TMEM243: variants seen among roughly 807,000 people sequenced by gnomAD.
TMEM243 encodes MDR1 and mitochondrial taxol resistance associated.
TMEM243 carries 20 observed loss-of-function variants against 15.0 expected under a neutral mutation model. That is an observed-to-expected ratio of 1.33 (90% CI 0.94 to 1.93). The LOEUF (loss-of-function observed/expected upper bound fraction) is 1.93. Among genes scored for constraint, TMEM243 ranks in the 30% most tolerant of loss-of-function variants. The pLI is 0.00. For synonymous variants in TMEM243, 72 were observed against 52.7 expected, an observed-to-expected ratio of 1.37 and a Z score of -1.59; for missense variants, 156 against 142.1, an observed-to-expected ratio of 1.10 and a Z score of -0.50.
chr7:87,206,887 C>G (rs1802263943), intron 1 of TMEM243, among the ~76,000 whole-genome samples: 3 of 152,198 alleles, frequency 2.0e-5, no homozygotes, highest in African/African-American at 7.2e-5. Flanking sequence ...TTTAGAATGC[C>G]TCTCACCAGT....
At position 87,208,016 on chromosome 7, in the gene TMEM243, G is replaced by A. The variant is rs139360625; in HGVS notation, c.79-8959C>T. 3.9e-3 allele frequency among the ~76,000 whole-genome samples: 592 copies of A among 152,060 alleles called. 6 individuals are homozygous for A. The highest frequency in any genetic ancestry group is 0.014 in the African/African-American group (564 of 41,452). ...CCCCATGATTCAATCATCTCCCACC[G>A]GGTCCCTCCCACAACACATGGGAAT... On this transcript the variant is annotated intron_variant, in intron 1 of 3. Coordinates refer to ENST00000257637, the MANE Select transcript of TMEM243 (RefSeq NM_024315.4).
chr7:87,205,132 A>G (rs1025829811), intron 1 of TMEM243, among the ~76,000 whole-genome samples: 2 of 152,174 alleles, frequency 1.3e-5, no homozygotes, highest in Admixed American at 1.3e-4. Context: ...ACAGAGCACC[A>G]AGTCCCTAAG....
At chr7:87,197,664 T>C in intron 3 of TMEM243, 1 of 1,234,676 alleles carries the variant, frequency 8.1e-7, no homozygotes, top group Non-Finnish European at 1.1e-6. Context: ...ATTAAAATCT[T>C]TGGCCACCTA....
chr7:87,197,652 A>AAATT, intron 3 of TMEM243: 1 of 1,157,566 alleles, frequency 8.6e-7, no homozygotes, highest in African/African-American at 1.6e-5. Context: ...TGAATTAAGT[A>AAATT]AATTAAAATC....
intron 1 of TMEM243, chr7:87,199,283 C>CATTT: frequency 2.2e-6 from 1 of 452,052 alleles, no homozygotes; most frequent in Admixed American, 3.9e-5. Context: ...AGGGACAGAA[C>CATTT]ATTTATACTA....
Position 87,196,733 on chromosome 7 carries a change from A to G in TMEM243, c.260T>C (p.Leu87Ser), listed in dbSNP as rs751580444. Residue 87 changes from leucine (L) to serine (S), a missense_variant, in exon 4 of 4, where the codon TTA becomes TCA. By Grantham distance (145) the Leu-to-Ser change is moderately radical. Coordinates refer to ENST00000257637, the MANE Select transcript of TMEM243 (RefSeq NM_024315.4). ...ILIYWYRQGD[L>S]EPKFRKLIYY... ...AATTAGCTTTCTAAATTTCGGTTCTAAGTCTCCTTGTCGATACCAGTAGAT... is the reference window on the plus strand; with the variant it reads ...AATTAGCTTTCTAAATTTCGGTTCTGAGTCTCCTTGTCGATACCAGTAGAT... 2.5e-6 allele frequency: 4 copies of G among 1,597,800 alleles called. No individual in the cohort carries two copies. Among genetic ancestry groups the G allele is most frequent in the Non-Finnish European group, 3.4e-6 (4 of 1,167,980 alleles).
chr7:87,205,895 C>A (rs1802184312), intron 1 of TMEM243, among the ~76,000 whole-genome samples: 1 of 152,146 alleles, frequency 6.6e-6, no homozygotes, highest in African/African-American at 2.4e-5. Flanking sequence ...GGTATCTTTA[C>A]AGCAGCACCC....
chr7:87,200,829 A>T (rs948494705), intron 1 of TMEM243, among the ~76,000 whole-genome samples: 1 of 152,140 alleles, frequency 6.6e-6, no homozygotes, highest in South Asian at 2.1e-4. Context: ...TTCTCACCCA[A>T]AGAACAACCT....
Position 87,196,496 on chromosome 7 carries a change from G to GGAATT in TMEM243, c.*135_*139dup. ...CTAGGATATGTCTCCCTTGCAAGAG[G>GGAATT]GAATTAACATTTACAATTAACATGA... is the stretch of plus-strand genomic sequence containing the variant. On this transcript the variant is annotated 3_prime_UTR_variant, in exon 4 of 4. Coordinates refer to ENST00000257637, the MANE Select transcript of TMEM243 (RefSeq NM_024315.4). 4.7e-6 allele frequency: 4 copies of GGAATT among 849,164 alleles called. No individual in the cohort carries two copies. Among genetic ancestry groups the GGAATT allele is most frequent in the Middle Eastern group, 2.2e-4 (1 of 4,474 alleles). The allele number at this position is 849,164 out of a possible 1,614,324, so 52.6% of individuals were successfully genotyped here.
intron 1 of TMEM243, among the ~76,000 whole-genome samples, chr7:87,206,859 A>AT (rs1298972446): frequency 2.6e-5 from 4 of 152,196 alleles, no homozygotes; most frequent in Non-Finnish European, 5.9e-5. Flanking sequence ...CAAAGCAGAA[A>AT]TGGCCAACGG....
At position 87,211,645 on chromosome 7, in the gene TMEM243, A is replaced by C. The variant is rs192573740; in HGVS notation, c.78+7781T>G. Among the ~76,000 whole-genome samples, 8 of 152,054 alleles carry C rather than the reference A, an allele frequency of 5.3e-5. No individual in the cohort carries two copies. In the East Asian group the frequency reaches 1.6e-3, roughly 29 times the overall value. On this transcript the variant is annotated intron_variant, in intron 1 of 3. Coordinates refer to ENST00000257637, the MANE Select transcript of TMEM243 (RefSeq NM_024315.4). Reference sequence around the variant, plus strand: ...AAAAAGCATAACGAGAGGATGCAAAATGTGGGAGAAGGTTTATTTTGAGCC... The same window carrying C: ...AAAAAGCATAACGAGAGGATGCAAACTGTGGGAGAAGGTTTATTTTGAGCC...
chr7:87,219,396 T>C (rs1803334177), intron 1 of TMEM243, 30 bp downstream of exon 1: 1 of 1,609,068 alleles, frequency 6.2e-7, no homozygotes, highest in Non-Finnish European at 8.5e-7. Flanking sequence ...ACACCCCCCA[T>C]CCCAGTCTGG....
intron 1 of TMEM243, among the ~76,000 whole-genome samples, chr7:87,207,055 C>G (rs572510705): frequency 6.6e-6 from 1 of 152,360 alleles, no homozygotes; most frequent in East Asian, 1.9e-4. Flanking sequence ...AAAGGTGCAA[C>G]ACCCTAACAG....
At chr7:87,200,997 A>G (rs1328261494) in intron 1 of TMEM243, among the ~76,000 whole-genome samples, 1 of 152,206 alleles carries the variant, frequency 6.6e-6, no homozygotes, top group Non-Finnish European at 1.5e-5. Flanking sequence ...ACTGATTTTA[A>G]TCATCCTGAT....
intron 2 of TMEM243, chr7:87,198,272 T>G (rs1285588139): frequency 9.4e-6 from 4 of 423,848 alleles, no homozygotes; most frequent in Non-Finnish European, 1.7e-5. Context: ...AAAACATCAG[T>G]AATACTAGCT....
At chr7:87,209,684 C>CAGTGAGAG (rs1554365988) in intron 1 of TMEM243, among the ~76,000 whole-genome samples, 33,227 of 69,192 alleles carry the variant, frequency 0.48, 10,020 homozygotes, top group Middle Eastern at 0.67. Context: ...GAGCGAGACA[C>CAGTGAGAG]AGCGAGAGAG....
intron 1 of TMEM243, among the ~76,000 whole-genome samples, chr7:87,209,835 A>AGAGCAAGAGACAGAGAGC: frequency 7.3e-6 from 1 of 136,868 alleles, no homozygotes; most frequent in African/African-American, 3.0e-5. Flanking sequence ...AGACAGTGAG[A>AGAGCAAGAGACAGAGAGC]GAGAGACAGT....
intron 1 of TMEM243, among the ~76,000 whole-genome samples, chr7:87,205,393 AT>A (rs537145767): frequency 1.3e-5 from 2 of 150,590 alleles, no homozygotes; most frequent in African/African-American, 4.9e-5. Context: ...CTCCTTAGGA[AT>A]TTTTTTTGTT....
chr7:87,197,875 A>T, intron 3 of TMEM243, 66 bp downstream of exon 3: 1 of 1,609,226 alleles, frequency 6.2e-7, no homozygotes, highest in South Asian at 1.1e-5. Flanking sequence ...AAGGCTGAAA[A>T]TTTTTGTCCT....
Sources: allele counts gnomAD v4.1 joint callset (sites outside exome capture counted in the v4.1 genomes callset), GRCh38; gene constraint gnomAD v4.1.1; transcripts MANE v1.5; gene names NCBI Gene and HGNC (gene_info 2026-07-23, HGNC 2026-07-21).